The following DHRS7C variants were observed in gnomAD, a reference collection of about 807,000 sequenced individuals.
The protein encoded by DHRS7C is dehydrogenase/reductase SDR family member 7C.
In DHRS7C, 28 loss-of-function variants were observed where a neutral mutation model predicts 29.6. The ratio of observed to expected loss-of-function variants is 0.95; its 90% CI spans 0.70 to 1.30. The LOEUF (loss-of-function observed/expected upper bound fraction) is 1.30, where lower values mean the gene tolerates loss of function less well. Among genes scored for constraint, DHRS7C ranks in the 50% most tolerant of loss-of-function variants. The pLI is 0.00. For missense variants in DHRS7C, 403 were observed against 393.3 expected, an observed-to-expected ratio of 1.02 and a Z score of -0.21; for synonymous variants, 158 against 160.2, an observed-to-expected ratio of 0.99 and a Z score of 0.10.
chr17:9,771,756 G>T, intron 5 of DHRS7C, 60 bp from the exon 6 acceptor site: 1 of 1,327,534 alleles, frequency 7.5e-7, no homozygotes, highest in Non-Finnish European at 9.7e-7. Flanking sequence ...GCTGGTCAGA[G>T]CCCTGCACAT....
chr17:9,789,723 C>A (rs913324951), intron 1 of DHRS7C, among the ~76,000 whole-genome samples: 9 of 152,150 alleles, frequency 5.9e-5, no homozygotes, highest in Admixed American at 5.9e-4. Context: ...GACAAAGGTG[C>A]GCTATTTGGA....
chr17:9,778,893 A>AT lies in DHRS7C; in HGVS notation c.478+931dup, dbSNP rs537868958. On this transcript the variant is annotated intron_variant, in intron 3 of 5. Coordinates refer to ENST00000571134, the MANE Select transcript of DHRS7C (RefSeq NM_001105571.3). ...TGAGCTTCTGCTTTGATAAACTTTT[A>AT]TTTTTTTGGAGAGCAGGGGCTTTAA... is the stretch of plus-strand genomic sequence containing the variant. Among the ~76,000 whole-genome samples the AT allele has an allele frequency of 3.0e-4, 46 of 151,994 alleles. No individual in the cohort carries two copies. The East Asian group carries it at 6.6e-3, about 22-fold the overall frequency.
At chr17:9,788,000 C>T (rs2066433668) in intron 1 of DHRS7C, among the ~76,000 whole-genome samples, 1 of 152,040 alleles carries the variant, frequency 6.6e-6, no homozygotes, top group African/African-American at 2.4e-5. Context: ...GCGTGAGCCA[C>T]AGCGACATTT....
At chr17:9,786,943 G>A (rs1007583983) in intron 1 of DHRS7C, among the ~76,000 whole-genome samples, 5 of 152,004 alleles carry the variant, frequency 3.3e-5, no homozygotes, top group Non-Finnish European at 7.4e-5. Flanking sequence ...TCTTGATGAT[G>A]AGCATCTATT....
rs375853454 is a variant in DHRS7C at position 9,771,591 on chromosome 17, A to G, written c.833T>C (p.Ile278Thr). The G allele has an allele frequency of 3.7e-5, 59 of 1,597,722 alleles. No homozygotes were observed. Among genetic ancestry groups the G allele is most frequent in the Non-Finnish European group, 4.7e-5 (55 of 1,171,310 alleles). The change falls in exon 6 of 6, where the codon ATC (isoleucine) becomes ACC (threonine). Residue 278 changes from isoleucine (I) to threonine (T), a missense_variant. Coordinates refer to ENST00000571134, the MANE Select transcript of DHRS7C (RefSeq NM_001105571.3). ...GCGGACGTACACGGCGGCCTTGGGG[A>G]TGGGGTTGGCCATAAACACCTCTTG... ...KKQEVFMANPIPKAAVYVRTF... is the reference protein window; with the variant it reads ...KKQEVFMANPTPKAAVYVRTF...
chr17:9,784,603 T>C (rs1373344730), intron 1 of DHRS7C, among the ~76,000 whole-genome samples: 1 of 152,232 alleles, frequency 6.6e-6, no homozygotes, highest in Non-Finnish European at 1.5e-5. Context: ...AAGGGTTAAT[T>C]TGATATGTGA....
intron 4 of DHRS7C, among the ~76,000 whole-genome samples, chr17:9,773,154 T>A (rs988656919): frequency 1.3e-5 from 2 of 152,186 alleles, no homozygotes; most frequent in African/African-American, 4.8e-5. Flanking sequence ...GTGATGTGAT[T>A]GTGGGCAAAT....
intron 4 of DHRS7C, 82 bp from the exon 5 acceptor site, chr17:9,773,004 G>T: frequency 6.6e-7 from 1 of 1,516,780 alleles, no homozygotes; most frequent in Non-Finnish European, 8.9e-7. Flanking sequence ...CAGGAGGGCC[G>T]ACAGACACAT....
chr17:9,782,770 CATT>C (rs1242214758), intron 1 of DHRS7C: 1 of 152,300 alleles, frequency 6.6e-6, no homozygotes, highest in South Asian at 2.1e-4. Context: ...AAGAACCTAT[CATT>C]GTCTCATTTA....
At position 9,791,334 on chromosome 17, in the gene DHRS7C, C is replaced by T. The variant is rs769788082; in HGVS notation, c.-50G>A. On this transcript the variant is annotated 5_prime_UTR_variant, in exon 1 of 6. Coordinates refer to ENST00000571134, the MANE Select transcript of DHRS7C (RefSeq NM_001105571.3). Reference sequence around the variant, plus strand: ...AAAGGGGATTGGCTTTGCAAAGAGACGCTGATCAGGACTCCCAGGGCAGGG... The same window carrying T: ...AAAGGGGATTGGCTTTGCAAAGAGATGCTGATCAGGACTCCCAGGGCAGGG... The T allele has an allele frequency of 5.8e-5, 93 of 1,594,594 alleles. No individual in the cohort carries two copies. Among genetic ancestry groups the T allele is most frequent in the East Asian group, 4.9e-4 (22 of 44,678 alleles).
chr17:9,779,626 A>G (rs1283087734), intron 3 of DHRS7C, among the ~76,000 whole-genome samples, 199 bp downstream of exon 3: 2 of 152,170 alleles, frequency 1.3e-5, no homozygotes, highest in Non-Finnish European at 2.9e-5. Flanking sequence ...GAAATATACC[A>G]ATCAGATACT....
rs1279642802 is a variant in DHRS7C, at chr17:9,779,913, C to T, written c.390G>A (p.Lys130=). 4 of 1,613,816 alleles carry T rather than the reference C, an allele frequency of 2.5e-6. No individual in the cohort carries two copies. Among genetic ancestry groups the T allele is most frequent in the Admixed American group, 3.3e-5 (2 of 59,988 alleles). Residue 130 remains lysine, a synonymous_variant, in exon 3 of 6, where the codon AAG becomes AAA. Coordinates refer to ENST00000571134, the MANE Select transcript of DHRS7C (RefSeq NM_001105571.3). ...VDILINNASV[K]VKGPAHKISL... is the part of the protein sequence containing the mutation. ...AAATCTTATGGGCAGGCCCCTTCAC[C>T]TTCACACTGGCATTGTTGATGAGGA...
chr17:9,789,487 C>A (rs2066442613), intron 1 of DHRS7C, among the ~76,000 whole-genome samples: 1 of 152,206 alleles, frequency 6.6e-6, no homozygotes, highest in East Asian at 1.9e-4. Flanking sequence ...CCTGGGTGAA[C>A]AAAACACAGG....
At chr17:9,773,272 C>T (rs1388714596) in intron 4 of DHRS7C, among the ~76,000 whole-genome samples, 2 of 151,944 alleles carry the variant, frequency 1.3e-5, no homozygotes, top group Non-Finnish European at 2.9e-5. Flanking sequence ...AATGCCGGCA[C>T]AAACATGAAT....
intron 1 of DHRS7C, chr17:9,782,997 A>C (rs1418546741): frequency 6.6e-6 from 1 of 152,364 alleles, no homozygotes; most frequent in Non-Finnish European, 1.5e-5. Flanking sequence ...AGTGGGCATC[A>C]TGGACAGGGA....
chr17:9,771,670 CGCCGTAGGTCA>C lies in DHRS7C; in HGVS notation c.743_753del (p.Leu248ArgfsTer?). ...TCCTCCGCCACCTCTACTGGGTGCA[CGCCGTAGGTCA>C]GCTTCCTGAAAAAGACTGAAAGGCC... On this transcript the variant is annotated frameshift_variant, in exon 6 of 6. Coordinates refer to ENST00000571134, the MANE Select transcript of DHRS7C (RefSeq NM_001105571.3). LOFTEE classifies it high-confidence loss of function. 1.3e-6 allele frequency: 2 copies of C among 1,526,236 alleles called. No homozygotes were observed. The highest frequency in any genetic ancestry group is 2.8e-5 in the African/African-American group (2 of 71,964). 94.5% of individuals were successfully genotyped at this position (1,526,236 alleles called of 1,614,324 possible). A position where few individuals can be genotyped will look rare whatever the true frequency, so the allele number is the denominator to read the frequency against.
intron 1 of DHRS7C, among the ~76,000 whole-genome samples, chr17:9,783,671 C>T (rs541587777): frequency 2.0e-5 from 3 of 152,188 alleles, no homozygotes; most frequent in Admixed American, 6.5e-5. Context: ...GAATGTATTA[C>T]GTAAAAAGTG....
chr17:9,789,277 A>T (rs867895323), intron 1 of DHRS7C, among the ~76,000 whole-genome samples: 1 of 152,210 alleles, frequency 6.6e-6, no homozygotes, highest in Middle Eastern at 3.2e-3. Flanking sequence ...AAACCTCAGC[A>T]CATTTAAAAG....
chr17:9,784,525 AC>A (rs987986478), intron 1 of DHRS7C, among the ~76,000 whole-genome samples: 1 of 152,170 alleles, frequency 6.6e-6, no homozygotes, highest in African/African-American at 2.4e-5. Flanking sequence ...AAAAACGAAA[AC>A]AAAAAACACC....
Sources: allele counts gnomAD v4.1 joint callset (sites outside exome capture counted in the v4.1 genomes callset), GRCh38; gene constraint gnomAD v4.1.1; transcripts MANE v1.5; gene names NCBI Gene and HGNC (gene_info 2026-07-23, HGNC 2026-07-21).